EBPL: variants seen among roughly 807,000 people sequenced by gnomAD.
EBPL encodes EBP like, also known as emopamil-binding protein-like.
In EBPL, 20 loss-of-function variants were observed where a neutral mutation model predicts 19.0. That is an observed-to-expected ratio of 1.05 (90% CI 0.74 to 1.53). EBPL has a LOEUF of 1.53. Among genes scored for constraint, EBPL ranks in the 40% most tolerant of loss-of-function variants. EBPL has a pLI of 0.00. For missense variants in EBPL, 219 were observed against 261.1 expected (o/e 0.84, Z 1.11); for synonymous variants, 107 against 117.0 (o/e 0.91, Z 0.55).
At chr13:49,685,998 A>G (rs1953993287) in intron 1 of EBPL, among the ~76,000 whole-genome samples, 1 of 152,310 alleles carries the variant, frequency 6.6e-6, no homozygotes, top group Non-Finnish European at 1.5e-5. Context: ...GGGCCTCAAG[A>G]TTTCTCAACG....
At chr13:49,679,825 T>C (rs1242046915) in intron 1 of EBPL, among the ~76,000 whole-genome samples, 1 of 152,134 alleles carries the variant, frequency 6.6e-6, no homozygotes, top group Non-Finnish European at 1.5e-5. Context: ...CTGACATTCA[T>C]GGCTACTTTC....
rs951022404 is a variant in EBPL, at chr13:49,669,917, G to C, written c.172-71C>G. 1.6e-5 allele frequency: 19 copies of C among 1,179,810 alleles called. No homozygotes were observed. The African/African-American group carries it at 2.9e-4, about 18-fold the overall frequency. The allele number at this position is 1,179,810 out of a possible 1,614,324, so 73.1% of individuals were successfully genotyped here. On this transcript the variant is annotated intron_variant, in intron 1 of 3. Coordinates refer to ENST00000242827, the MANE Select transcript of EBPL (RefSeq NM_032565.5). ...CACAGGATGGCACTGTAGACACATG[G>C]CATTGCCTGGCTCCATCCCCCACCC...
At chr13:49,665,007 T>C (rs1281359568) in intron 2 of EBPL, among the ~76,000 whole-genome samples, 1 of 152,002 alleles carries the variant, frequency 6.6e-6, no homozygotes, top group Non-Finnish European at 1.5e-5. Flanking sequence ...AATTTAAATA[T>C]ACATACAATA....
chr13:49,673,992 CCACA>C (rs1555300739), intron 1 of EBPL, among the ~76,000 whole-genome samples: 3 of 142,562 alleles, frequency 2.1e-5, no homozygotes, highest in Non-Finnish European at 4.7e-5. Context: ...CACACACACA[CCACA>C]CAAAGAAACT....
chr13:49,678,325 G>A lies in EBPL; in HGVS notation c.172-8479C>T, dbSNP rs987249790. 7.9e-4 allele frequency among the ~76,000 whole-genome samples: 120 copies of A among 152,332 alleles called. 1 individual carries two copies. Among genetic ancestry groups the A allele is most frequent in the African/African-American group, 2.5e-3 (105 of 41,594 alleles). ...CAGAGCTACCCGCCAGTCCTGCGCC[G>A]CGCGCCGGCACTCCTCAGCCCTTGG... On this transcript the variant is annotated intron_variant, in intron 1 of 3. Coordinates refer to ENST00000242827, the MANE Select transcript of EBPL (RefSeq NM_032565.5).
At chr13:49,686,491 T>C in intron 1 of EBPL, 2 of 1,287,648 alleles carry the variant, frequency 1.6e-6, no homozygotes, top group South Asian at 1.2e-5. Flanking sequence ...TTTTCTTTCT[T>C]TTTTTTTAAT....
intron 1 of EBPL, among the ~76,000 whole-genome samples, chr13:49,683,222 G>A (rs866495908): frequency 8.6e-5 from 13 of 151,862 alleles, no homozygotes; most frequent in Middle Eastern, 3.4e-3. Flanking sequence ...TGATCCGCCC[G>A]CCTCAGCCTC....
chr13:49,670,622 G>A (rs1594407998), intron 1 of EBPL, among the ~76,000 whole-genome samples: 1 of 152,150 alleles, frequency 6.6e-6, no homozygotes, highest in South Asian at 2.1e-4. Context: ...CAGTTCCCGC[G>A]GTGATTTCAT....
chr13:49,677,000 T>C (rs1055197103), intron 1 of EBPL, among the ~76,000 whole-genome samples: 6 of 152,112 alleles, frequency 3.9e-5, no homozygotes, highest in African/African-American at 1.4e-4. Context: ...ATTAAAAAAA[T>C]GCTCTCGTTT....
intron 1 of EBPL, among the ~76,000 whole-genome samples, chr13:49,671,309 T>C (rs1288877192): frequency 3.3e-5 from 5 of 152,144 alleles, no homozygotes; most frequent in African/African-American, 1.2e-4. Flanking sequence ...AGCTAATTTT[T>C]GTTATTTTTA....
At chr13:49,666,733 A>T (rs9535291) in intron 2 of EBPL, among the ~76,000 whole-genome samples, 33,680 of 139,764 alleles carry the variant, frequency 0.24, 4,240 homozygotes, top group Non-Finnish European at 0.28. Context: ...AAAAAAAAAA[A>T]ACAAAAATTA....
rs572356171 is a variant in EBPL, at chr13:49,663,121, C to T, written c.316G>A (p.Val106Ile). The part of the protein sequence containing the change: ...PTIVSVEILT[V>I]ALDGSLALFL... Reference sequence around the variant, plus strand: ...AATGCCAGAGACCCATCCAGGGCGACGGTCAGAATTTCCACAGACACAATG... The same window carrying T: ...AATGCCAGAGACCCATCCAGGGCGATGGTCAGAATTTCCACAGACACAATG... The change falls in exon 3 of 4, where the codon GTC becomes ATC. Residue 106 changes from valine (V) to isoleucine (I), a missense_variant. This residue lies in a region of EBPL where 170 missense variants were observed against 167.0 expected (regional missense o/e 1.02). Transcript: ENST00000242827. 3.3e-5 allele frequency: 54 copies of T among 1,614,182 alleles called. No individual in the cohort carries two copies. Among genetic ancestry groups the T allele is most frequent in the South Asian group, 2.0e-4 (18 of 91,080 alleles).
intron 2 of EBPL, among the ~76,000 whole-genome samples, chr13:49,666,892 A>C (rs950157930): frequency 6.8e-6 from 1 of 146,976 alleles, no homozygotes; most frequent in Non-Finnish European, 1.5e-5. Flanking sequence ...CTGTTAAAAA[A>C]AAAAGAAAAA....
At position 49,660,871 on chromosome 13, in the gene EBPL, A is replaced by G. The variant is rs1965134048; in HGVS notation, c.*97T>C. 9.1e-7 allele frequency: 1 copy of G among 1,104,060 alleles called. No homozygotes were observed. Among genetic ancestry groups the G allele is most frequent in the Non-Finnish European group, 1.3e-6 (1 of 763,778 alleles). 68.4% of individuals were successfully genotyped at this position (1,104,060 alleles called of 1,614,324 possible). ...GTTCAGGAGCAACAATACAAAAACA[A>G]AGTGTAGACTGGAATGTATTACATT... is the stretch of plus-strand genomic sequence containing the variant. On this transcript the variant is annotated 3_prime_UTR_variant, in exon 4 of 4. Coordinates refer to ENST00000242827, the MANE Select transcript of EBPL (RefSeq NM_032565.5).
rs566722948 is a variant in EBPL, at chr13:49,673,590, C to A, written c.172-3744G>T. Among the ~76,000 whole-genome samples the A allele has an allele frequency of 2.6e-5, 4 of 152,274 alleles. No individual in the cohort carries two copies. The South Asian group carries it at 6.2e-4, about 24-fold the overall frequency. ...TAGCTGGGATTACAGGAATGCACCA[C>A]CACGCCCACCTAATTTTTGTATTTT... On this transcript the variant is annotated intron_variant, in intron 1 of 3. Transcript: ENST00000242827.
intron 3 of EBPL, among the ~76,000 whole-genome samples, chr13:49,662,384 A>C (rs1426317173): frequency 1.3e-5 from 2 of 152,138 alleles, no homozygotes; most frequent in Admixed American, 6.5e-5. Context: ...CAAATTATAT[A>C]AGATAATTTA....
intron 1 of EBPL, among the ~76,000 whole-genome samples, chr13:49,674,964 C>A (rs1254023991): frequency 6.6e-6 from 1 of 152,240 alleles, no homozygotes; most frequent in African/African-American, 2.4e-5. Context: ...CCACTAAACA[C>A]TGATTCTCCA....
At chr13:49,688,201 T>C (rs1954019493) in intron 1 of EBPL, among the ~76,000 whole-genome samples, 2 of 152,190 alleles carry the variant, frequency 1.3e-5, no homozygotes, top group Non-Finnish European at 2.9e-5. Context: ...TTCTAGTATG[T>C]TGCCATGGCT....
chr13:49,680,461 T>C (rs767631759), intron 1 of EBPL, among the ~76,000 whole-genome samples: 2 of 152,146 alleles, frequency 1.3e-5, no homozygotes, highest in Non-Finnish European at 2.9e-5. Context: ...AACTTGAAAA[T>C]GCTGAATCTG....
Sources: gnomAD v4.1 joint callset for allele counts (sites outside exome capture counted in the v4.1 genomes callset) on GRCh38, gnomAD v4.1.1 for gene constraint, gnomAD v4.1.1 regional missense constraint, MANE v1.5 for transcripts, NCBI Gene and HGNC (gene_info 2026-07-23, HGNC 2026-07-21) for gene names.